The following C10orf90 variants were observed in gnomAD, a reference collection of about 807,000 sequenced individuals.
C10orf90 encodes the protein (E2-independent) E3 ubiquitin-conjugating enzyme FATS.
In C10orf90, 56 loss-of-function variants were observed where a neutral mutation model predicts 62.5. That is an observed-to-expected ratio of 0.90 (90% CI 0.72 to 1.12). The LOEUF is 1.12. C10orf90 is among the 50% of genes most tolerant of loss of function. The pLI is 0.00. For missense variants in C10orf90, 970 were observed against 880.4 expected, an observed-to-expected ratio of 1.10 and a Z score of -1.29; for synonymous variants, 386 against 340.4, an observed-to-expected ratio of 1.13 and a Z score of -1.47.
intron 2 of C10orf90, among the ~76,000 whole-genome samples, chr10:126,644,478 C>T (rs1157436721): frequency 6.6e-6 from 1 of 152,228 alleles, no homozygotes; most frequent in Non-Finnish European, 1.5e-5. Flanking sequence ...TTGCCTTCTA[C>T]TAGAATATAC....
chr10:126,637,726 G>A (rs888387579), intron 2 of C10orf90, among the ~76,000 whole-genome samples: 5 of 152,190 alleles, frequency 3.3e-5, no homozygotes, highest in African/African-American at 1.2e-4. Context: ...GCAGAGGGTG[G>A]GACAGAGTGG....
intron 7 of C10orf90, among the ~76,000 whole-genome samples, chr10:126,447,648 C>T: frequency 6.6e-6 from 1 of 152,102 alleles, no homozygotes; most frequent in East Asian, 1.9e-4. Context: ...AACAAGAAAA[C>T]ATTGGACTTA....
chr10:126,530,108 G>A (rs1020911270), intron 2 of C10orf90, among the ~76,000 whole-genome samples: 3 of 151,988 alleles, frequency 2.0e-5, no homozygotes, highest in Admixed American at 6.6e-5. Flanking sequence ...GTCAAAAAAA[G>A]CCCCTGAAAA....
intron 2 of C10orf90, among the ~76,000 whole-genome samples, chr10:126,539,263 T>A (rs1370110): frequency 6.6e-6 from 1 of 152,030 alleles, no homozygotes; most frequent in Non-Finnish European, 1.5e-5. Flanking sequence ...GTGGAATCCA[T>A]GCTAGGGTTC....
intron 8 of C10orf90, among the ~76,000 whole-genome samples, chr10:126,427,743 T>C (rs2133974202): frequency 6.6e-6 from 1 of 152,348 alleles, no homozygotes; most frequent in East Asian, 1.9e-4. Flanking sequence ...AGCCACAGAC[T>C]GAAGCCTATG....
At chr10:126,615,308 C>A (rs931583032) in intron 2 of C10orf90, among the ~76,000 whole-genome samples, 8 of 152,118 alleles carry the variant, frequency 5.3e-5, no homozygotes, top group Non-Finnish European at 8.8e-5. Flanking sequence ...CATTGGAGGC[C>A]ACTTCTACAA....
rs758422119 is a variant in C10orf90, at chr10:126,521,315, G to C, written c.314-7376C>G. 4.3e-6 allele frequency: 7 copies of C among 1,614,102 alleles called. No individual in the cohort carries two copies. In the East Asian group the frequency reaches 1.3e-4, roughly 31 times the overall value. On this transcript the variant is annotated intron_variant, in intron 2 of 9. Coordinates refer to ENST00000488181, the MANE Select transcript of C10orf90 (RefSeq NM_001350921.2). ...AGAACATACCTTCTCCAGACAGTTTGAGCATATTCTACTGAGGTTTCAAAG... is the reference window on the plus strand; with the variant it reads ...AGAACATACCTTCTCCAGACAGTTTCAGCATATTCTACTGAGGTTTCAAAG...
At chr10:126,550,123 T>G (rs1183515772) in intron 2 of C10orf90, among the ~76,000 whole-genome samples, 1 of 151,818 alleles carries the variant, frequency 6.6e-6, no homozygotes, top group Non-Finnish European at 1.5e-5. Context: ...GCCTGGCTAA[T>G]TTTTTGTATT....
chr10:126,452,129 T>C (rs191944056), intron 7 of C10orf90, among the ~76,000 whole-genome samples: 163 of 152,280 alleles, frequency 1.1e-3, no homozygotes, highest in Non-Finnish European at 2.0e-3. Context: ...TTACCTGCAT[T>C]TAATAATTTC....
At chr10:126,621,856 C>T (rs1450480531) in intron 2 of C10orf90, among the ~76,000 whole-genome samples, 2 of 152,276 alleles carry the variant, frequency 1.3e-5, no homozygotes, top group African/African-American at 2.4e-5. Flanking sequence ...TCATGCTTGA[C>T]GATTATTTTA....
intron 4 of C10orf90, among the ~76,000 whole-genome samples, chr10:126,498,783 G>A (rs569933905): frequency 6.6e-6 from 1 of 152,344 alleles, no homozygotes; most frequent in South Asian, 2.1e-4. Flanking sequence ...TGGCAACTCA[G>A]AATAACCTTG....
chr10:126,536,541 A>G (rs1864241965), intron 2 of C10orf90, among the ~76,000 whole-genome samples: 1 of 152,190 alleles, frequency 6.6e-6, no homozygotes, highest in African/African-American at 2.4e-5. Context: ...ACCAGCTAAG[A>G]GACAGGGAGT....
intron 4 of C10orf90, chr10:126,470,115 T>C: frequency 2.3e-6 from 1 of 440,676 alleles, no homozygotes; most frequent in South Asian, 1.6e-5. Context: ...TTCTGCATGT[T>C]GTGTCCTGCA....
intron 2 of C10orf90, chr10:126,521,433 G>A: frequency 6.4e-7 from 1 of 1,559,090 alleles, no homozygotes. Context: ...CTGTGGCTAG[G>A]CTCAGAATGA....
In C10orf90 at chr10:126,540,298, A is replaced by G. The variant is rs887030204; in HGVS notation, c.314-26359T>C. Among the ~76,000 whole-genome samples, 6 of 152,234 alleles carry G rather than the reference A, an allele frequency of 3.9e-5. No individual in the cohort carries two copies. In the East Asian group the frequency reaches 1.2e-3, roughly 29 times the overall value. ...TCATACCTGCCCAAGTTAATTTATG[A>G]AATTCCAGATTTAATCAAAAACTTG... On this transcript the variant is annotated intron_variant, in intron 2 of 9. Transcript: ENST00000488181.
chr10:126,466,379 C>T (rs1860291397), intron 4 of C10orf90, among the ~76,000 whole-genome samples: 2 of 152,070 alleles, frequency 1.3e-5, no homozygotes, highest in Non-Finnish European at 2.9e-5. Flanking sequence ...CAAACACACA[C>T]ACACACACAC....
chr10:126,505,808 G>T (rs991653404), intron 3 of C10orf90, among the ~76,000 whole-genome samples: 12 of 152,144 alleles, frequency 7.9e-5, no homozygotes, highest in African/African-American at 2.7e-4. Context: ...TACAGAATTA[G>T]CCAGGCATGG....
At chr10:126,599,070 G>A (rs926434111) in intron 2 of C10orf90, among the ~76,000 whole-genome samples, 17 of 151,948 alleles carry the variant, frequency 1.1e-4, no homozygotes, top group African/African-American at 2.9e-4. Flanking sequence ...GCATCAGCCC[G>A]TCTGACATTT....
chr10:126,633,730 C>T (rs1845896156), intron 2 of C10orf90, among the ~76,000 whole-genome samples: 1 of 152,202 alleles, frequency 6.6e-6, no homozygotes, highest in Non-Finnish European at 1.5e-5. Context: ...ACTCTATTTC[C>T]CTCTTCCCAA....
Sources: allele counts gnomAD v4.1 joint callset (sites outside exome capture counted in the v4.1 genomes callset), GRCh38; gene constraint gnomAD v4.1.1; transcripts MANE v1.5; gene names NCBI Gene and HGNC (gene_info 2026-07-23, HGNC 2026-07-21).